Variants in ZNF517 observed in about 807,000 individuals in gnomAD.
ZNF517 encodes the protein zinc finger protein 517.
ZNF517 carries 12 observed loss-of-function variants against 12.1 expected under a neutral mutation model. The observed-to-expected ratio is 0.99, with a 90% CI of 0.63 to 1.61. The LOEUF is 1.61. ZNF517 is among the 40% of genes most tolerant of loss of function. The pLI, the probability that ZNF517 is intolerant of heterozygous loss-of-function variation, is 0.00. For missense variants in ZNF517, 781 were observed against 693.2 expected, an observed-to-expected ratio of 1.13 and a Z score of -1.42; for synonymous variants, 388 against 310.2, an observed-to-expected ratio of 1.25 and a Z score of -2.63.
At chr8:144,803,945 G>C (rs889008774) in intron 3 of ZNF517, 178 bp downstream of exon 3, 8 of 1,122,916 alleles carry the variant, frequency 7.1e-6, no homozygotes, top group African/African-American at 1.6e-5. Context: ...GCCTGCCTGA[G>C]GCTTCTCTCC....
Position 144,807,471 on chromosome 8 carries a change from G to A in ZNF517, c.555G>A (p.Ala185=), listed in dbSNP as rs1490494419. 4 of 1,580,164 alleles carry A rather than the reference G, an allele frequency of 2.5e-6. No individual in the cohort carries two copies. The highest frequency in any genetic ancestry group is 2.4e-5 in the East Asian group (1 of 42,522). The change falls in exon 5 of 5, where the codon GCG becomes GCA. Residue 185 remains alanine, a synonymous_variant. Coordinates refer to ENST00000359971, the MANE Select transcript of ZNF517 (RefSeq NM_213605.3). ...GCTACAGGTGCGTGTGCGGCAAGGC[G>A]TTCAGATACAACTCGCTGCTTCTCA... ...APRYRCVCGK[A]FRYNSLLLRH...
chr8:144,807,483 C>G lies in ZNF517; in HGVS notation c.567C>G (p.Asn189Lys), dbSNP rs1476256106. The change falls in exon 5 of 5, where the codon AAC becomes AAG. Residue 189 changes from asparagine (N) to lysine (K), a missense_variant. By Grantham distance (94) the Asn-to-Lys change is moderately conservative. Coordinates refer to ENST00000359971, the MANE Select transcript of ZNF517 (RefSeq NM_213605.3). Reference sequence around the variant, plus strand: ...TGTGCGGCAAGGCGTTCAGATACAACTCGCTGCTTCTCAGGCACCAGATCA... The same window carrying G: ...TGTGCGGCAAGGCGTTCAGATACAAGTCGCTGCTTCTCAGGCACCAGATCA... ...RCVCGKAFRY[N>K]SLLLRHQIIH... is the part of the protein sequence containing the mutation. The G allele has an allele frequency of 6.3e-7, 1 of 1,583,060 alleles. No homozygotes were observed. Among genetic ancestry groups the G allele is most frequent in the East Asian group, 2.3e-5 (1 of 42,644 alleles).
intron 1 of ZNF517, among the ~76,000 whole-genome samples, chr8:144,799,162 C>T (rs1826812391): frequency 1.3e-5 from 2 of 152,184 alleles, no homozygotes; most frequent in South Asian, 4.1e-4. Flanking sequence ...GCGGCCGGGC[C>T]CCCGAGACCC....
Position 144,808,113 on chromosome 8 carries a change from G to A in ZNF517, c.1197G>A (p.Ala399=), listed in dbSNP as rs140538369. The part of the protein sequence containing the change: ...LHTGEKPFEC[A]ECGKAFGRKS... ...CGGGCGAGAAGCCGTTCGAGTGCGC[G>A]GAGTGCGGCAAGGCCTTCGGTCGCA... Residue 399 remains alanine (A), a synonymous_variant, in exon 5 of 5, where the codon GCG becomes GCA. Transcript: ENST00000359971. The A allele has an allele frequency of 1.2e-6, 2 of 1,605,560 alleles. No homozygotes were observed. The highest frequency in any genetic ancestry group is 1.7e-5 in the Admixed American group (1 of 58,858).
intron 4 of ZNF517, among the ~76,000 whole-genome samples, chr8:144,805,246 T>A (rs1265118562): frequency 1.3e-5 from 2 of 152,252 alleles, no homozygotes; most frequent in African/African-American, 4.8e-5. Flanking sequence ...CACTCTTGTC[T>A]TCTGGTCACT....
At chr8:144,801,639 G>C (rs767513407) in intron 1 of ZNF517, among the ~76,000 whole-genome samples, 1 of 152,128 alleles carries the variant, frequency 6.6e-6, no homozygotes, top group African/African-American at 2.4e-5. Context: ...CACCATGCCC[G>C]GCTAATTTTT....
chr8:144,811,951 C>G (rs865852134), downstream of ZNF517, among the ~76,000 whole-genome samples: 175 of 93,982 alleles, frequency 1.9e-3, 3 homozygotes, highest in Admixed American at 2.5e-3. Flanking sequence ...GGGAGAGACA[C>G]GGACAGTAAA....
In ZNF517 at chr8:144,803,797, C is replaced by T. The variant is rs778198730; in HGVS notation, c.160+30C>T. The stretch of plus-strand genomic sequence containing the variant: ...GGGCTTCTGCCTTTGGTCCTGGGGC[C>T]GGGAGGTGCGTCTGTGTTAGCTTCA... On this transcript the variant is annotated intron_variant, in intron 3 of 4. Coordinates refer to ENST00000359971, the MANE Select transcript of ZNF517 (RefSeq NM_213605.3). 3.0e-5 allele frequency: 48 copies of T among 1,606,384 alleles called. 1 individual carries two copies. Among genetic ancestry groups the T allele is most frequent in the East Asian group, 6.7e-5 (3 of 44,700 alleles).
downstream of ZNF517, among the ~76,000 whole-genome samples, chr8:144,812,195 A>C (rs1186308317): frequency 2.1e-5 from 3 of 145,748 alleles, no homozygotes; most frequent in Non-Finnish European, 4.5e-5. Flanking sequence ...CAGACTGCAG[A>C]ATGGAAGCAA....
downstream of ZNF517, chr8:144,810,236 G>A: frequency 2.9e-6 from 2 of 678,498 alleles, no homozygotes; most frequent in South Asian, 1.5e-5. Context: ...CCCACGGGGA[G>A]CACCCTGTCA....
chr8:144,809,414 G>T lies in ZNF517; in HGVS notation c.*1019G>T, dbSNP rs1180784866. 2 of 152,248 alleles carry T rather than the reference G, an allele frequency of 1.3e-5. No individual in the cohort carries two copies. Among genetic ancestry groups the T allele is most frequent in the East Asian group, 1.9e-4 (1 of 5,130 alleles). 9.4% of individuals were successfully genotyped at this position (152,248 alleles called of 1,614,324 possible). On this transcript the variant is annotated 3_prime_UTR_variant, in exon 5 of 5. Coordinates refer to ENST00000359971, the MANE Select transcript of ZNF517 (RefSeq NM_213605.3). ...TTTTCAGTGGACTCAGTGAAGATCTGCCCTCAGCGTGGGCAGGCACATCCA... is the reference window on the plus strand; with the variant it reads ...TTTTCAGTGGACTCAGTGAAGATCTTCCCTCAGCGTGGGCAGGCACATCCA...
At chr8:144,812,475 A>C (rs1040815182), downstream of ZNF517, among the ~76,000 whole-genome samples, 1 of 147,626 alleles carries the variant, frequency 6.8e-6, no homozygotes, top group Non-Finnish European at 1.5e-5. Context: ...CAGACTGCAG[A>C]ATGGAAGCAA....
At chr8:144,804,029 C>A in intron 3 of ZNF517, 96 bp from the exon 4 acceptor site, 1 of 1,287,724 alleles carries the variant, frequency 7.8e-7, no homozygotes, top group Non-Finnish European at 1.1e-6. Context: ...CTGACCCACT[C>A]CAAGCACTCT....
downstream of ZNF517, among the ~76,000 whole-genome samples, chr8:144,812,829 G>A (rs1015236259): frequency 6.6e-6 from 1 of 152,122 alleles, no homozygotes; most frequent in Non-Finnish European, 1.5e-5. Flanking sequence ...TGCATTCAAC[G>A]TGATCTTATA....
At chr8:144,804,763 G>T (rs186488224) in intron 4 of ZNF517, among the ~76,000 whole-genome samples, 2 of 152,332 alleles carry the variant, frequency 1.3e-5, no homozygotes, top group African/African-American at 4.8e-5. Flanking sequence ...TGAGTCACAT[G>T]TTCACCGGAC....
At position 144,809,129 on chromosome 8, in the gene ZNF517, G is replaced by A. The variant is rs1270918203; in HGVS notation, c.*734G>A. 4 of 151,852 alleles carry A rather than the reference G, an allele frequency of 2.6e-5. No homozygotes were observed. The highest frequency in any genetic ancestry group is 5.9e-5 in the Non-Finnish European group (4 of 67,990). 9.4% of individuals were successfully genotyped at this position (151,852 alleles called of 1,614,324 possible). A position where few individuals can be genotyped will look rare whatever the true frequency, so the allele number is the denominator to read the frequency against. ...CCACGGCACTCCAACCTGGTTGACA[G>A]AGTGACACCCTGTTTAAAAAAAAAA... is the stretch of plus-strand genomic sequence containing the variant. On this transcript the variant is annotated 3_prime_UTR_variant, in exon 5 of 5. Coordinates refer to ENST00000359971, the MANE Select transcript of ZNF517 (RefSeq NM_213605.3).
At chr8:144,803,848 C>A in intron 3 of ZNF517, 81 bp downstream of exon 3, 1 of 1,539,160 alleles carries the variant, frequency 6.5e-7, no homozygotes, top group Non-Finnish European at 8.8e-7. Flanking sequence ...ATTGCAGATT[C>A]AAGGTCTGAC....
downstream of ZNF517, among the ~76,000 whole-genome samples, chr8:144,812,446 A>G (rs1259024723): frequency 6.6e-6 from 1 of 150,962 alleles, no homozygotes; most frequent in Non-Finnish European, 1.5e-5. Flanking sequence ...AGACACGGAC[A>G]GTAAAGCTCA....
intron 2 of ZNF517, 64 bp downstream of exon 2, chr8:144,803,011 C>A: frequency 4.4e-6 from 7 of 1,605,238 alleles, no homozygotes; most frequent in South Asian, 1.1e-5. Context: ...CTCAGCTTTT[C>A]AGCCCTGAGA....
Sources: gnomAD v4.1 joint callset for allele counts (sites outside exome capture counted in the v4.1 genomes callset) on GRCh38, gnomAD v4.1.1 for gene constraint, MANE v1.5 for transcripts, NCBI Gene and HGNC (gene_info 2026-07-23, HGNC 2026-07-21) for gene names.